The following PCDHGA3 variants were observed in gnomAD, a reference collection of about 807,000 sequenced individuals.
PCDHGA3 encodes protocadherin gamma-A3.
In PCDHGA3, 40 loss-of-function variants were observed where a neutral mutation model predicts 58.5. That is an observed-to-expected ratio of 0.68 (90% CI 0.53 to 0.89). PCDHGA3 has a LOEUF of 0.89. Ranked by LOEUF, PCDHGA3 falls within the 40% of genes least tolerant of loss-of-function variation. PCDHGA3 has a pLI of 0.00. For synonymous variants in PCDHGA3, 530 were observed against 525.7 expected (o/e 1.01, Z -0.11); for missense variants, 1,223 against 1,195.9 (o/e 1.02, Z -0.33).
intron 1 of PCDHGA3, chr5:141,423,091 G>A (rs1243671863): frequency 6.2e-7 from 1 of 1,613,908 alleles, no homozygotes; most frequent in Non-Finnish European, 8.5e-7. Flanking sequence ...CGCGGTGGGG[G>A]AGCACACGGG....
At chr5:141,371,062 G>GGGTAA (rs757228720) in intron 1 of PCDHGA3, 2 of 1,613,974 alleles carry the variant, frequency 1.2e-6, no homozygotes, top group South Asian at 2.2e-5. Flanking sequence ...CCCTCCAGAA[G>GGGTAA]CTGTACCACC....
intron 1 of PCDHGA3, chr5:141,429,155 G>A (rs115622025): frequency 0.044 from 6,389 of 145,752 alleles, 216 homozygotes; most frequent in African/African-American, 0.099. Flanking sequence ...CACCCGGCCC[G>A]GAGACATTGT....
At chr5:141,484,075 C>G (rs1397285710) in intron 1 of PCDHGA3, among the ~76,000 whole-genome samples, 2 of 152,084 alleles carry the variant, frequency 1.3e-5, no homozygotes, top group African/African-American at 4.8e-5. Context: ...AAAGCTTGCT[C>G]TTTTGAAATG....
At chr5:141,412,406 G>T (rs1278637068) in intron 1 of PCDHGA3, 1 of 152,046 alleles carries the variant, frequency 6.6e-6, no homozygotes, top group African/African-American at 2.4e-5. Context: ...ATCCCTGTAA[G>T]ATAAAGTATG....
At chr5:141,499,184 A>G (rs2099789986) in intron 2 of PCDHGA3, among the ~76,000 whole-genome samples, 1 of 151,726 alleles carries the variant, frequency 6.6e-6, no homozygotes, top group African/African-American at 2.4e-5. Context: ...CCAGCAAACC[A>G]TTTCCCCCTT....
rs1342358137 is a variant in PCDHGA3, at chr5:141,344,327, G to C, written c.294G>C (p.Gln98His). 4 of 1,613,924 alleles carry C rather than the reference G, an allele frequency of 2.5e-6. No homozygotes were observed. The highest frequency in any genetic ancestry group is 3.4e-6 in the Non-Finnish European group (4 of 1,179,922). ...ERIDREELCA[Q>H]IPLCLVKINI... ...TAGACCGGGAGGAGCTCTGCGCTCA[G>C]ATCCCGCTGTGTCTGGTAAAAATTA... Residue 98 changes from glutamine to histidine, a missense_variant, in exon 1 of 4, where the codon CAG becomes CAC. By Grantham distance (24) the Gln-to-His change is conservative (BLOSUM62 0). Around this residue, in one of 3 missense-constraint regions of PCDHGA3, gnomAD observed 791 missense variants for 708.5 expected, o/e 1.12. Coordinates refer to ENST00000253812, the MANE Select transcript of PCDHGA3 (RefSeq NM_018916.4).
chr5:141,410,115 C>T, intron 1 of PCDHGA3: 1 of 1,612,624 alleles, frequency 6.2e-7, no homozygotes. Context: ...AGGGACGCAG[C>T]CCGCCAGCGC....
intron 1 of PCDHGA3, among the ~76,000 whole-genome samples, chr5:141,453,225 C>T (rs2098758997): frequency 6.6e-6 from 1 of 152,044 alleles, no homozygotes; most frequent in African/African-American, 2.4e-5. Context: ...GCGATCCTCC[C>T]ACCTCAGCCT....
intron 1 of PCDHGA3, chr5:141,413,476 G>A: frequency 6.2e-7 from 1 of 1,614,122 alleles, no homozygotes; most frequent in Non-Finnish European, 8.5e-7. Context: ...GGAGCTCTGC[G>A]CTCAGAGCGC....
intron 1 of PCDHGA3, chr5:141,405,392 T>C: frequency 6.3e-7 from 1 of 1,596,104 alleles, no homozygotes; most frequent in Non-Finnish European, 8.5e-7. Flanking sequence ...TTCATTTTTT[T>C]TCTTTCTTTC....
intron 1 of PCDHGA3, among the ~76,000 whole-genome samples, chr5:141,405,652 G>GT (rs1479754913): frequency 6.6e-6 from 1 of 152,034 alleles, no homozygotes; most frequent in Non-Finnish European, 1.5e-5. Flanking sequence ...TTTTTTGTGT[G>GT]TTTTTAGTAG....
chr5:141,505,324 G>A, intron 2 of PCDHGA3, 69 bp from the exon 3 acceptor site: 2 of 1,607,104 alleles, frequency 1.2e-6, no homozygotes, highest in African/African-American at 1.3e-5. Context: ...GGAGCCCTGG[G>A]AGAGGACAGG....
intron 1 of PCDHGA3, chr5:141,384,126 C>G: frequency 1.2e-6 from 2 of 1,610,938 alleles, no homozygotes; most frequent in Non-Finnish European, 1.7e-6. Context: ...CAACCAAAAA[C>G]TTGGACCGGG....
At chr5:141,370,854 C>T in intron 1 of PCDHGA3, 1 of 1,614,054 alleles carries the variant, frequency 6.2e-7, no homozygotes. Flanking sequence ...CACATTTGCC[C>T]TGGAATCTGC....
intron 1 of PCDHGA3, among the ~76,000 whole-genome samples, chr5:141,459,059 A>G (rs1219921155): frequency 2.6e-5 from 4 of 152,228 alleles, no homozygotes; most frequent in African/African-American, 4.8e-5. Context: ...AGTATAATTT[A>G]TATAACATAA....
intron 1 of PCDHGA3, chr5:141,374,783 G>A: frequency 6.2e-7 from 1 of 1,613,908 alleles, no homozygotes; most frequent in Non-Finnish European, 8.5e-7. Flanking sequence ...AACAGTTCTA[G>A]ATGTGAATGA....
At chr5:141,411,958 GAT>G (rs1485546812) in intron 1 of PCDHGA3, 1 of 152,192 alleles carries the variant, frequency 6.6e-6, no homozygotes, top group African/African-American at 2.4e-5. Flanking sequence ...GAAGAAAAAA[GAT>G]AAAATCTTTG....
At position 141,485,162 on chromosome 5, in the gene PCDHGA3, C is replaced by A. The variant is rs759021453; in HGVS notation, c.2425-9645C>A. The A allele has an allele frequency of 8.7e-6, 14 of 1,602,188 alleles. No individual in the cohort carries two copies. The Admixed American group carries it at 2.0e-4, about 23-fold the overall frequency. ...GTCTCAGGAGCAAGTAGAGAATTAGCGGGCGGCAGCAATGCTCCGCAAGGT... is the reference window on the plus strand; with the variant it reads ...GTCTCAGGAGCAAGTAGAGAATTAGAGGGCGGCAGCAATGCTCCGCAAGGT... On this transcript the variant is annotated intron_variant, in intron 1 of 3. Transcript: ENST00000253812. The surrounding 1 kb of genome is among the most constrained non-coding windows in gnomAD (Gnocchi z 5.7).
At chr5:141,353,911 T>C (rs759123248) in intron 1 of PCDHGA3, among the ~76,000 whole-genome samples, 5 of 152,244 alleles carry the variant, frequency 3.3e-5, no homozygotes, top group Non-Finnish European at 7.3e-5. Flanking sequence ...GCTAATGCCC[T>C]TTTGTATGAG....
Sources: gnomAD v4.1 joint callset for allele counts (sites outside exome capture counted in the v4.1 genomes callset) on GRCh38, gnomAD v4.1.1 for gene constraint, gnomAD v4.1.1 regional missense constraint, Gnocchi (gnomAD v3.1) non-coding constraint, MANE v1.5 for transcripts, NCBI Gene and HGNC (gene_info 2026-07-23, HGNC 2026-07-21) for gene names.